The following CABIN1 variants were observed in gnomAD, a reference collection of about 807,000 sequenced individuals.
CABIN1 encodes calcineurin binding protein 1.
Under a neutral mutation model 227.7 loss-of-function variants are expected in CABIN1, and 133 were observed. The ratio of observed to expected loss-of-function variants is 0.58; its 90% CI spans 0.51 to 0.67. The LOEUF (loss-of-function observed/expected upper bound fraction) is 0.67, where lower values mean the gene tolerates loss of function less well. Ranked by LOEUF, CABIN1 falls within the 30% of genes least tolerant of loss-of-function variation. The pLI, the probability that CABIN1 is intolerant of heterozygous loss-of-function variation, is 0.00. For missense variants in CABIN1, 2,408 were observed against 2,852.5 expected, an observed-to-expected ratio of 0.84 and a Z score of 3.55; for synonymous variants, 1,086 against 1,155.1, an observed-to-expected ratio of 0.94 and a Z score of 1.21.
At chr22:24,063,673 C>T (rs906720047) in intron 14 of CABIN1, among the ~76,000 whole-genome samples, 1 of 152,160 alleles carries the variant, frequency 6.6e-6, no homozygotes, top group Non-Finnish European at 1.5e-5. Flanking sequence ...TGCTAGGGCC[C>T]TGTCAGCAAC....
intron 15 of CABIN1, among the ~76,000 whole-genome samples, chr22:24,065,544 C>T (rs1443309020): frequency 2.0e-5 from 3 of 151,034 alleles, no homozygotes; most frequent in African/African-American, 7.3e-5. Context: ...CAGAGGGGCT[C>T]CTCACATCCC....
chr22:24,164,604 G>C, intron 30 of CABIN1, 41 bp downstream of exon 30: 1 of 1,593,154 alleles, frequency 6.3e-7, no homozygotes, highest in Non-Finnish European at 8.5e-7. Flanking sequence ...CATGCTGTGT[G>C]GGTCAGGGGC....
intron 29 of CABIN1, among the ~76,000 whole-genome samples, chr22:24,154,535 G>T (rs545975756): frequency 6.6e-6 from 1 of 152,234 alleles, no homozygotes; most frequent in African/African-American, 2.4e-5. Flanking sequence ...ATGGTGAGGA[G>T]CCCCTTGTCC....
Position 24,038,461 on chromosome 22 carries a change from G to C in CABIN1, c.210G>C (p.Glu70Asp). 1 of 1,609,750 alleles carries C rather than the reference G, an allele frequency of 6.2e-7. No individual in the cohort carries two copies. The highest frequency in any genetic ancestry group is 8.5e-7 in the Non-Finnish European group (1 of 1,176,732). Reference sequence around the variant, plus strand: ...TCTTGGAGGCGAGCCTGCTGCGGGAGGTGAGGCATCAGCAGGCCAGGCAGT... The same window carrying C: ...TCTTGGAGGCGAGCCTGCTGCGGGACGTGAGGCATCAGCAGGCCAGGCAGT... ...HELLEASLLR[E>D]AVSSGDEKEG... is the part of the protein sequence containing the mutation. Residue 70 changes from glutamate (E) to aspartate (D), a missense_variant and splice_region_variant, in exon 4 of 37, where the codon GAG becomes GAC. Around this residue, in one of 3 missense-constraint regions of CABIN1, gnomAD observed 1,045 missense variants for 1,168.4 expected, o/e 0.89. Transcript: ENST00000263119.
rs781050344 is a variant in CABIN1 at position 24,177,476 on chromosome 22, A to C, written c.6206-28A>C. 6.6e-7 allele frequency: 1 copy of C among 1,509,570 alleles called. No individual in the cohort carries two copies. The highest frequency in any genetic ancestry group is 2.3e-5 in the East Asian group (1 of 43,794). The allele number at this position is 1,509,570 out of a possible 1,614,324, so 93.5% of individuals were successfully genotyped here. On this transcript the variant is annotated intron_variant, in intron 35 of 36. Transcript: ENST00000263119. The surrounding 1 kb of genome is among the most constrained non-coding windows in gnomAD (Gnocchi z 4.4). ...CTCACTGTGTGATGCGGCAGGCAGG[A>C]AGTGCTCTTGGTACCTTTGTCTTCC...
intron 26 of CABIN1, among the ~76,000 whole-genome samples, chr22:24,107,909 T>C (rs2042603264): frequency 6.6e-6 from 1 of 152,240 alleles, no homozygotes; most frequent in Non-Finnish European, 1.5e-5. Context: ...TCAGCTAGTC[T>C]CAGGCTGGCT....
At chr22:24,174,113 G>A (rs1346004286) in intron 34 of CABIN1, among the ~76,000 whole-genome samples, 2 of 151,554 alleles carry the variant, frequency 1.3e-5, no homozygotes, top group Admixed American at 1.3e-4. Flanking sequence ...CCAAAGTGCT[G>A]GGATTACAGG....
chr22:24,175,999 C>G, intron 34 of CABIN1, 112 bp from the exon 35 acceptor site: 3 of 1,274,634 alleles, frequency 2.4e-6, no homozygotes, highest in Non-Finnish European at 3.3e-6. Flanking sequence ...TGGCCACACT[C>G]CCCTGCCCAG....
At chr22:24,092,666 A>G (rs1184896976) in intron 24 of CABIN1, among the ~76,000 whole-genome samples, 15 of 125,552 alleles carry the variant, frequency 1.2e-4, no homozygotes. Context: ...TGCCTTTGTG[A>G]TTTTTTTTCC....
At position 24,076,251 on chromosome 22, in the gene CABIN1, C is replaced by T. The variant is rs375547115; in HGVS notation, c.2715C>T (p.Cys905=). 1.9e-6 allele frequency: 3 copies of T among 1,614,014 alleles called. No individual in the cohort carries two copies. In the African/African-American group the frequency reaches 4.0e-5, roughly 22 times the overall value. ...AHEYLGRRSW[C]CNSDGALLRF... ...AGTATTTGGGCAGAAGGTCCTGGTGCTGCAATTCAGATGGGGCTCTGCTGC... is the reference window on the plus strand; with the variant it reads ...AGTATTTGGGCAGAAGGTCCTGGTGTTGCAATTCAGATGGGGCTCTGCTGC... The change falls in exon 19 of 37, where the codon TGC becomes TGT. Residue 905 remains cysteine, a synonymous_variant. Coordinates refer to ENST00000263119, the MANE Select transcript of CABIN1 (RefSeq NM_012295.4).
rs17004826 is a variant in CABIN1 at position 24,062,938 on chromosome 22, C to T, written c.1697-21C>T. On this transcript the variant is annotated intron_variant, in intron 13 of 36. Transcript: ENST00000263119. The stretch of plus-strand genomic sequence containing the variant: ...TAGAATGCTACACATGAAGTTGACT[C>T]GTTGGCCTGATGGTTTTTAGTGTCT... 5,150 of 1,612,286 alleles carry T rather than the reference C, an allele frequency of 3.2e-3. 124 individuals carry two copies. The African/African-American group carries it at 0.058, about 18-fold the overall frequency.
chr22:24,119,362 T>G lies in CABIN1; in HGVS notation c.4301-5T>G. 1.2e-6 allele frequency: 2 copies of G among 1,611,288 alleles called. No homozygotes were observed. Among genetic ancestry groups the G allele is most frequent in the Non-Finnish European group, 1.7e-6 (2 of 1,179,760 alleles). On this transcript the variant is annotated splice_polypyrimidine_tract_variant and splice_region_variant and intron_variant, in intron 27 of 36. Coordinates refer to ENST00000263119, the MANE Select transcript of CABIN1 (RefSeq NM_012295.4). ...TGACTTTCTTTCCCTTCTTCTCAACTGTAGGAAAAAACGAGGAGTCATTGG... is the reference window on the plus strand; with the variant it reads ...TGACTTTCTTTCCCTTCTTCTCAACGGTAGGAAAAAACGAGGAGTCATTGG...
chr22:24,154,391 A>C (rs1259139376), intron 29 of CABIN1, among the ~76,000 whole-genome samples: 2 of 152,172 alleles, frequency 1.3e-5, no homozygotes, highest in Non-Finnish European at 2.9e-5. Flanking sequence ...GTGTGACTGC[A>C]CCAGTGTCCA....
chr22:24,033,995 C>T (rs1415219626), intron 1 of CABIN1, among the ~76,000 whole-genome samples: 1 of 152,196 alleles, frequency 6.6e-6, no homozygotes, highest in African/African-American at 2.4e-5. Context: ...GACAATTTTT[C>T]CACGGACCAG....
Position 24,166,657 on chromosome 22 carries a change from C to G in CABIN1, c.5026C>G (p.Pro1676Ala). The G allele has an allele frequency of 1.9e-6, 3 of 1,612,838 alleles. No individual in the cohort carries two copies. Among genetic ancestry groups the G allele is most frequent in the South Asian group, 1.1e-5 (1 of 91,084 alleles). ...TTTGTAGGGGTCAGAACGCCCAGGG[C>G]CCAAGGTCTGTGGCCTCCCCGGAGC... Reference protein sequence around the residue: ...ELAEGSERPGPKVCGLPGARM... With the variant: ...ELAEGSERPGAKVCGLPGARM... Residue 1676 changes from proline (P) to alanine (A), a missense_variant, in exon 32 of 37, where the codon CCC (proline) becomes GCC (alanine). Transcript: ENST00000263119.
chr22:24,022,252 C>T (rs1397750052), intron 1 of CABIN1, among the ~76,000 whole-genome samples: 1 of 152,154 alleles, frequency 6.6e-6, no homozygotes, highest in Non-Finnish European at 1.5e-5. Flanking sequence ...CAGTCCATTG[C>T]TTATGGCACC....
intron 6 of CABIN1, among the ~76,000 whole-genome samples, chr22:24,047,111 C>T (rs576141829): frequency 6.6e-6 from 1 of 152,266 alleles, no homozygotes; most frequent in Non-Finnish European, 1.5e-5. Context: ...TAATATTTGG[C>T]CAAAGTCTGG....
chr22:24,037,310 T>C (rs989825424), intron 3 of CABIN1, among the ~76,000 whole-genome samples: 88 of 151,522 alleles, frequency 5.8e-4, no homozygotes, highest in Non-Finnish European at 2.1e-4. Context: ...AGCTTTTGTT[T>C]GTTTATTTAA....
intron 26 of CABIN1, among the ~76,000 whole-genome samples, chr22:24,098,488 G>A (rs2042026519): frequency 6.6e-6 from 1 of 152,186 alleles, no homozygotes; most frequent in East Asian, 1.9e-4. Flanking sequence ...GCAAAATGGG[G>A]ACATGACATC....
Sources: gnomAD v4.1 joint callset for allele counts (sites outside exome capture counted in the v4.1 genomes callset) on GRCh38, gnomAD v4.1.1 for gene constraint, gnomAD v4.1.1 regional missense constraint, Gnocchi (gnomAD v3.1) non-coding constraint, MANE v1.5 for transcripts, NCBI Gene and HGNC (gene_info 2026-07-23, HGNC 2026-07-21) for gene names.